FRAS1: variants seen among roughly 807,000 people sequenced by gnomAD.
FRAS1 encodes extracellular matrix organizing protein FRAS1.
Under a neutral mutation model 435.2 loss-of-function variants are expected in FRAS1, and 290 were observed. The ratio of observed to expected loss-of-function variants is 0.67; its 90% confidence interval spans 0.61 to 0.73. The LOEUF (loss-of-function observed/expected upper bound fraction) is 0.73. Ranked by LOEUF, FRAS1 falls within the 30% of genes least tolerant of loss-of-function variation. FRAS1 has a pLI of 0.00. For missense variants in FRAS1, 4,860 were observed against 5,001.5 expected (o/e 0.97, Z 0.85); for synonymous variants, 1,800 against 1,851.0 (o/e 0.97, Z 0.71).
rs187476720 is a variant in FRAS1, at chr4:78,428,165, C to T, written c.4712-930C>T. The stretch of plus-strand genomic sequence containing the variant: ...TATTTTCCTCAGAGATGGATGTTCA[C>T]TTGGATGTCAAAAAATCCAGGGAAA... On this transcript the variant is annotated intron_variant, in intron 35 of 73. Coordinates refer to ENST00000512123, the MANE Select transcript of FRAS1 (RefSeq NM_025074.7). Among the ~76,000 whole-genome samples the T allele has an allele frequency of 5.8e-4, 89 of 152,272 alleles. 1 individual carries two copies. The highest frequency in any genetic ancestry group is 3.4e-3 in the Middle Eastern group (1 of 294).
chr4:78,510,552 C>G (rs951653127), intron 63 of FRAS1, among the ~76,000 whole-genome samples: 1 of 152,176 alleles, frequency 6.6e-6, no homozygotes, highest in African/African-American at 2.4e-5. Context: ...AGGTCTGTGG[C>G]ACACAGAACT....
rs561131427 is a variant in FRAS1 at position 78,360,080 on chromosome 4, G to T, written c.2423-3433G>T. 6.8e-4 allele frequency among the ~76,000 whole-genome samples: 103 copies of T among 152,322 alleles called. 1 individual carries two copies. In the Middle Eastern group the frequency reaches 0.027, roughly 40 times the overall value. On this transcript the variant is annotated intron_variant, in intron 20 of 73. Coordinates refer to ENST00000512123, the MANE Select transcript of FRAS1 (RefSeq NM_025074.7). ...GATTAGGAGGATAGAAAAAGTTAAAGGCTGTGAGGAACCCATATATTTATA... is the reference window on the plus strand; with the variant it reads ...GATTAGGAGGATAGAAAAAGTTAAATGCTGTGAGGAACCCATATATTTATA...
intron 2 of FRAS1, among the ~76,000 whole-genome samples, chr4:78,120,289 G>A (rs1718935572): frequency 6.6e-6 from 1 of 152,158 alleles, no homozygotes; most frequent in Non-Finnish European, 1.5e-5. Flanking sequence ...CAGAATCGTG[G>A]CAGCAGGGCA....
intron 2 of FRAS1, among the ~76,000 whole-genome samples, chr4:78,155,014 A>G (rs1161485474): frequency 6.6e-6 from 1 of 152,164 alleles, no homozygotes; most frequent in Non-Finnish European, 1.5e-5. Flanking sequence ...GATTGATATT[A>G]TTTTTGAGTC....
At chr4:78,490,843 C>A (rs1486894769) in intron 59 of FRAS1, among the ~76,000 whole-genome samples, 3 of 150,556 alleles carry the variant, frequency 2.0e-5, no homozygotes, top group Non-Finnish European at 2.9e-5. Context: ...AAAAATCCTT[C>A]AAAAAAATCA....
At chr4:78,490,402 G>A (rs1414137813) in intron 59 of FRAS1, among the ~76,000 whole-genome samples, 1 of 152,206 alleles carries the variant, frequency 6.6e-6, no homozygotes, top group East Asian at 1.9e-4. Flanking sequence ...CCACATATTT[G>A]GAAGTAAAGC....
chr4:78,265,328 A>G (rs1386189284), intron 7 of FRAS1, among the ~76,000 whole-genome samples: 1 of 152,228 alleles, frequency 6.6e-6, no homozygotes, highest in Non-Finnish European at 1.5e-5. Flanking sequence ...TGGCAAGCAG[A>G]ACCTAGTTTA....
chr4:78,526,026 C>T (rs985422323), intron 69 of FRAS1, among the ~76,000 whole-genome samples: 3 of 152,194 alleles, frequency 2.0e-5, no homozygotes, highest in Non-Finnish European at 2.9e-5. Flanking sequence ...CTGCAGGGTG[C>T]TGCTTCCATA....
At chr4:78,525,088 T>C (rs1254054309) in intron 69 of FRAS1, among the ~76,000 whole-genome samples, 1 of 152,106 alleles carries the variant, frequency 6.6e-6, no homozygotes, top group East Asian at 1.9e-4. Context: ...TAGACAATAA[T>C]GCTGAAGAAG....
chr4:78,395,749 A>G (rs1394940154), intron 29 of FRAS1, among the ~76,000 whole-genome samples: 2 of 152,070 alleles, frequency 1.3e-5, no homozygotes, highest in East Asian at 1.9e-4. Flanking sequence ...ATGTCTCCCT[A>G]AAGCTAAAGT....
intron 54 of FRAS1, among the ~76,000 whole-genome samples, chr4:78,475,962 G>A (rs1719840976): frequency 6.6e-6 from 1 of 152,230 alleles, no homozygotes; most frequent in Non-Finnish European, 1.5e-5. Flanking sequence ...GAGTGTGTAA[G>A]GAGACTGGTT....
intron 23 of FRAS1, among the ~76,000 whole-genome samples, chr4:78,371,086 T>G (rs1003909761): frequency 6.8e-6 from 1 of 146,684 alleles, no homozygotes; most frequent in African/African-American, 2.6e-5. Context: ...TTTTTCTGTT[T>G]TTTTGTTTTT....
chr4:78,091,324 G>A (rs1741508758), intron 2 of FRAS1, among the ~76,000 whole-genome samples: 1 of 151,948 alleles, frequency 6.6e-6, no homozygotes, highest in African/African-American at 2.4e-5. Flanking sequence ...GGCCTCCAAC[G>A]TGTCCTCTCC....
At chr4:78,179,452 G>A (rs1721909901) in intron 2 of FRAS1, among the ~76,000 whole-genome samples, 1 of 152,110 alleles carries the variant, frequency 6.6e-6, no homozygotes, top group South Asian at 2.1e-4. Flanking sequence ...GAATTCCCCT[G>A]AATTAGCAGG....
At chr4:78,140,407 C>A (rs1578148730) in intron 2 of FRAS1, among the ~76,000 whole-genome samples, 1 of 151,892 alleles carries the variant, frequency 6.6e-6, no homozygotes, top group South Asian at 2.1e-4. Flanking sequence ...GTTCAGATGC[C>A]CTGAATGTGA....
intron 59 of FRAS1, 121 bp from the exon 60 acceptor site, chr4:78,496,684 C>T (rs1245098356): frequency 1.1e-6 from 1 of 941,870 alleles, no homozygotes. Context: ...GAAACTGGAT[C>T]CTTTTGAATT....
At chr4:78,069,959 G>C (rs1740251245) in intron 2 of FRAS1, among the ~76,000 whole-genome samples, 1 of 152,002 alleles carries the variant, frequency 6.6e-6, no homozygotes, top group African/African-American at 2.4e-5. Flanking sequence ...CAGTCCACTT[G>C]TTGTCTCTGA....
rs1188589832 is a variant in FRAS1 at position 78,464,134 on chromosome 4, G to A, written c.6877G>A (p.Gly2293Arg). 7 of 1,610,170 alleles carry A rather than the reference G, an allele frequency of 4.3e-6. No individual in the cohort carries two copies. Among genetic ancestry groups the A allele is most frequent in the South Asian group, 1.1e-5 (1 of 90,148 alleles). Residue 2293 changes from glycine to arginine, a missense_variant, in exon 48 of 74, where the codon GGA becomes AGA. Transcript: ENST00000512123. ...SDAFSFTLSD[G>R]VSEVTQTFHI... Reference sequence around the variant, plus strand: ...TGCCTTCAGCTTTACACTGTCTGATGGAGTCAGTGAGGTAGGTGAGGCACT... The same window carrying A: ...TGCCTTCAGCTTTACACTGTCTGATAGAGTCAGTGAGGTAGGTGAGGCACT...
In FRAS1 at chr4:78,058,100, C is replaced by CCG. The variant is rs1553914699; in HGVS notation, c.76+18_76+19dup. ...TCATTCCGAAGGTGAGAGAGCGGTG[C>CCG]CGCGTGTGTGTGTGTGTGTGCGTGT... On this transcript the variant is annotated intron_variant, in intron 1 of 73. Coordinates refer to ENST00000512123, the MANE Select transcript of FRAS1 (RefSeq NM_025074.7). 1.3e-6 allele frequency: 2 copies of CCG among 1,562,546 alleles called. No homozygotes were observed. Among genetic ancestry groups the CCG allele is most frequent in the African/African-American group, 1.6e-5 (1 of 64,216 alleles).
Sources: allele counts gnomAD v4.1 joint callset (sites outside exome capture counted in the v4.1 genomes callset), GRCh38; gene constraint gnomAD v4.1.1; transcripts MANE v1.5; gene names NCBI Gene and HGNC (gene_info 2026-07-23, HGNC 2026-07-21).